PTPRG: variants seen among roughly 807,000 people sequenced by gnomAD.
PTPRG encodes the protein receptor-type tyrosine-protein phosphatase gamma.
In PTPRG, 102 loss-of-function variants were observed where a neutral mutation model predicts 165.3. That is an observed-to-expected ratio of 0.62 (90% CI 0.53 to 0.73). The LOEUF (loss-of-function observed/expected upper bound fraction) is 0.73, where lower values mean the gene tolerates loss of function less well. PTPRG is among the 30% of genes least tolerant of loss of function. The pLI, the probability that PTPRG is intolerant of heterozygous loss-of-function variation, is 0.00. For missense variants in PTPRG, 1,866 were observed against 1,861.4 expected (o/e 1.00, Z -0.05); for synonymous variants, 675 against 669.5 (o/e 1.01, Z -0.13).
At chr3:62,092,303 G>A (rs890518686) in intron 5 of PTPRG, among the ~76,000 whole-genome samples, 2 of 151,740 alleles carry the variant, frequency 1.3e-5, no homozygotes, top group Non-Finnish European at 2.9e-5. Flanking sequence ...AGCTGGCCGT[G>A]GTGGTGGGCG....
chr3:61,589,969 TGAG>T (rs1329074235), intron 1 of PTPRG, among the ~76,000 whole-genome samples: 3 of 152,002 alleles, frequency 2.0e-5, no homozygotes, highest in Non-Finnish European at 4.4e-5. Context: ...GGTGAGAAGT[TGAG>T]GAGTTAGGCC....
intron 4 of PTPRG, among the ~76,000 whole-genome samples, chr3:62,006,799 A>G (rs1488996562): frequency 1.3e-5 from 2 of 152,192 alleles, no homozygotes; most frequent in Non-Finnish European, 2.9e-5. Context: ...GGATACTGCT[A>G]TACATTCCAA....
At chr3:61,600,015 C>G (rs1700807511) in intron 1 of PTPRG, among the ~76,000 whole-genome samples, 1 of 151,674 alleles carries the variant, frequency 6.6e-6, no homozygotes, top group African/African-American at 2.4e-5. Context: ...CAAAAATTAG[C>G]CAGGTGTGGT....
chr3:62,170,415 A>G (rs1406906604), intron 8 of PTPRG, among the ~76,000 whole-genome samples: 1 of 152,156 alleles, frequency 6.6e-6, no homozygotes, highest in Admixed American at 6.5e-5. Context: ...GATAGCTCAG[A>G]ATTGCTGAGA....
chr3:61,888,588 C>T (rs2038121955), intron 2 of PTPRG, among the ~76,000 whole-genome samples: 1 of 152,126 alleles, frequency 6.6e-6, no homozygotes, highest in African/African-American at 2.4e-5. Flanking sequence ...GCCTTGGCCT[C>T]TCAAAGTGCT....
At chr3:62,243,634 G>T in intron 14 of PTPRG, 173 bp from the exon 15 acceptor site, 1 of 479,172 alleles carries the variant, frequency 2.1e-6, no homozygotes, top group Non-Finnish European at 3.7e-6. Context: ...AGCAATTTTG[G>T]GCCCCTCCAA....
At chr3:62,077,243 G>A (rs149988496) in intron 4 of PTPRG, among the ~76,000 whole-genome samples, 25 of 151,850 alleles carry the variant, frequency 1.6e-4, no homozygotes, top group African/African-American at 5.1e-4. Flanking sequence ...TTCCAGCCTC[G>A]GCCACAGAGT....
intron 5 of PTPRG, among the ~76,000 whole-genome samples, chr3:62,132,390 C>G (rs1703548203): frequency 6.6e-6 from 1 of 152,182 alleles, no homozygotes; most frequent in African/African-American, 2.4e-5. Flanking sequence ...ACAATGTATT[C>G]TGAGAAGTTT....
At chr3:61,634,490 A>C (rs1255188445) in intron 1 of PTPRG, among the ~76,000 whole-genome samples, 1 of 150,068 alleles carries the variant, frequency 6.7e-6, no homozygotes, top group Non-Finnish European at 1.5e-5. Context: ...TGCCACTTTG[A>C]CCTCCGAAAG....
chr3:62,058,542 G>T (rs1700705668), intron 4 of PTPRG, among the ~76,000 whole-genome samples: 1 of 151,904 alleles, frequency 6.6e-6, no homozygotes, highest in Non-Finnish European at 1.5e-5. Flanking sequence ...ACACCTTTTT[G>T]TTGGGATCTA....
chr3:61,962,046 C>T (rs1232350997), intron 2 of PTPRG, among the ~76,000 whole-genome samples: 3 of 152,174 alleles, frequency 2.0e-5, no homozygotes, highest in Admixed American at 6.5e-5. Flanking sequence ...TGTCTAGGGA[C>T]TGCTAAGGAT....
chr3:62,122,134 C>T (rs1274796998), intron 5 of PTPRG, among the ~76,000 whole-genome samples: 1 of 152,116 alleles, frequency 6.6e-6, no homozygotes, highest in African/African-American at 2.4e-5. Context: ...CTATCTGTAA[C>T]CCCCCACCCT....
chr3:61,612,055 G>C (rs1701185879), intron 1 of PTPRG, among the ~76,000 whole-genome samples: 1 of 152,122 alleles, frequency 6.6e-6, no homozygotes, highest in African/African-American at 2.4e-5. Context: ...GAATTCTCCT[G>C]TCTCAGCCTC....
chr3:61,742,504 C>T (rs990515189), intron 1 of PTPRG: 136 of 1,597,082 alleles, frequency 8.5e-5, no homozygotes, highest in African/African-American at 2.0e-4. Context: ...ATATAAGGCC[C>T]GGACATTCTG....
At chr3:61,848,887 T>C (rs2036879418) in intron 2 of PTPRG, among the ~76,000 whole-genome samples, 1 of 152,234 alleles carries the variant, frequency 6.6e-6, no homozygotes, top group Non-Finnish European at 1.5e-5. Flanking sequence ...GTAATTCAAT[T>C]CATCTTCACA....
intron 1 of PTPRG, among the ~76,000 whole-genome samples, chr3:61,729,392 ATATTTTTGG>A (rs2032400943): frequency 6.6e-6 from 1 of 152,126 alleles, no homozygotes; most frequent in Non-Finnish European, 1.5e-5. Context: ...AAAAACCGCT[ATATTTTTGG>A]GTTTCATAGA....
intron 5 of PTPRG, among the ~76,000 whole-genome samples, chr3:62,097,954 G>A (rs1022747655): frequency 6.6e-6 from 1 of 152,138 alleles, no homozygotes; most frequent in Middle Eastern, 3.2e-3. Flanking sequence ...AAGTATGTTA[G>A]ACTAATAACT....
chr3:62,219,020 C>A lies in PTPRG; in HGVS notation c.2288+37C>A, dbSNP rs375206365. 4.4e-6 allele frequency: 7 copies of A among 1,607,376 alleles called. No individual in the cohort carries two copies. The highest frequency in any genetic ancestry group is 2.2e-5 in the East Asian group (1 of 44,646). On this transcript the variant is annotated intron_variant, in intron 13 of 29. Transcript: ENST00000474889. The surrounding 1 kb of genome is among the most constrained non-coding windows in gnomAD (Gnocchi z 4.5). ...AGCACCTACAGCGTAGATTTGGGGG[C>A]CAGATGCTGGCCAGGTTTTGCTCAC...
At chr3:61,973,746 T>C (rs1427574188) in intron 2 of PTPRG, among the ~76,000 whole-genome samples, 1 of 151,906 alleles carries the variant, frequency 6.6e-6, no homozygotes, top group Non-Finnish European at 1.5e-5. Flanking sequence ...GCAGGGAGAA[T>C]TGCTTGAACC....
Sources: gnomAD v4.1 joint callset for allele counts (sites outside exome capture counted in the v4.1 genomes callset) on GRCh38, gnomAD v4.1.1 for gene constraint, Gnocchi (gnomAD v3.1) non-coding constraint, MANE v1.5 for transcripts, NCBI Gene and HGNC (gene_info 2026-07-23, HGNC 2026-07-21) for gene names.